CHST10: variants seen among roughly 807,000 people sequenced by gnomAD.
CHST10 encodes carbohydrate sulfotransferase 10, also known as HNK-1 sulfotransferase.
CHST10 carries 24 observed loss-of-function variants against 34.7 expected under a neutral mutation model. That is an observed-to-expected ratio of 0.69 (90% confidence interval 0.50 to 0.97). The LOEUF (loss-of-function observed/expected upper bound fraction) is 0.97, where lower values mean the gene tolerates loss of function less well. Among genes scored for constraint, CHST10 ranks in the 50% least tolerant of loss-of-function variants. CHST10 has a pLI of 0.00. For missense variants in CHST10, 402 were observed against 452.1 expected (o/e 0.89, Z 1.00); for synonymous variants, 161 against 169.3 (o/e 0.95, Z 0.38).
chr2:100,401,259 C>T (rs1438428789), intron 4 of CHST10, among the ~76,000 whole-genome samples: 3 of 152,174 alleles, frequency 2.0e-5, no homozygotes, highest in African/African-American at 7.2e-5. Context: ...TTCCTTGAGC[C>T]TCATGTTTCC....
chr2:100,406,003 G>A (rs779349037), intron 3 of CHST10, among the ~76,000 whole-genome samples: 3 of 152,216 alleles, frequency 2.0e-5, no homozygotes, highest in Middle Eastern at 6.3e-3. Flanking sequence ...ACAAGAGCAC[G>A]AAGTAGAATC....
chr2:100,399,612 C>A (rs1400550181), intron 4 of CHST10, among the ~76,000 whole-genome samples: 1 of 152,218 alleles, frequency 6.6e-6, no homozygotes, highest in Non-Finnish European at 1.5e-5. Flanking sequence ...CATAAGACTT[C>A]TAGAACACAC....
At chr2:100,394,138 T>A (rs535691440) in intron 6 of CHST10, among the ~76,000 whole-genome samples, 1 of 152,170 alleles carries the variant, frequency 6.6e-6, no homozygotes, top group Non-Finnish European at 1.5e-5. Context: ...GGGCAGAAAA[T>A]CATAAGGGCA....
chr2:100,415,569 T>C (rs1013182794), intron 1 of CHST10, among the ~76,000 whole-genome samples: 4 of 152,124 alleles, frequency 2.6e-5, no homozygotes, highest in African/African-American at 9.7e-5. Flanking sequence ...AATTAGATCA[T>C]GGATTTAGGA....
Position 100,398,110 on chromosome 2 carries a change from G to T in CHST10, c.225C>A (p.Leu75=). 1 of 1,613,470 alleles carries T rather than the reference G, an allele frequency of 6.2e-7. No homozygotes were observed. The highest frequency in any genetic ancestry group is 8.5e-7 in the Non-Finnish European group (1 of 1,179,750). ...GCTCCATGTAGACCAGGGGCTGAAC[G>T]AGCTGGCTGTCTGGAAGCTCCTTCC... ...PTGKELPDSQ[L]VQPLVYMERL... The change falls in exon 5 of 7, where the codon CTC becomes CTA. Residue 75 remains leucine, a synonymous_variant. Transcript: ENST00000264249.
In CHST10 at chr2:100,403,674, C is replaced by T. The variant is rs149597761; in HGVS notation, c.101-1019G>A. Among the ~76,000 whole-genome samples, 34 of 152,190 alleles carry T rather than the reference C, an allele frequency of 2.2e-4. No homozygotes were observed. The East Asian group carries it at 5.8e-3, about 26-fold the overall frequency. On this transcript the variant is annotated intron_variant, in intron 3 of 6. Transcript: ENST00000264249. ...GAGGACAGAGCTGAAAGGAGCAGCC[C>T]GGGAGCACTGAGGCCAAGGCTTCTC...
chr2:100,395,652 C>G, intron 5 of CHST10, 38 bp from the exon 6 acceptor site: 1 of 1,527,958 alleles, frequency 6.5e-7, no homozygotes, highest in Non-Finnish European at 9.1e-7. Context: ...GTTGGCTGCT[C>G]CAGTACGCCC....
chr2:100,396,499 A>C lies in CHST10; in HGVS notation c.428-885T>G, dbSNP rs1454720821. 2.0e-5 allele frequency among the ~76,000 whole-genome samples: 3 copies of C among 152,194 alleles called. No individual in the cohort carries two copies. In the East Asian group the frequency reaches 5.8e-4, roughly 29 times the overall value. On this transcript the variant is annotated intron_variant, in intron 5 of 6. Coordinates refer to ENST00000264249, the MANE Select transcript of CHST10 (RefSeq NM_004854.5). ...GGTTAAGATTGGAGTCCTGGCAGGG[A>C]AGAATCTCCCTGGGCCATCTGACCA...
At chr2:100,411,247 G>A (rs527728543) in intron 2 of CHST10, among the ~76,000 whole-genome samples, 1 of 151,874 alleles carries the variant, frequency 6.6e-6, no homozygotes, top group East Asian at 1.9e-4. Context: ...CTCCTGAGTG[G>A]CTGTGATTAC....
At chr2:100,401,138 G>C (rs1218127727) in intron 4 of CHST10, among the ~76,000 whole-genome samples, 2 of 152,154 alleles carry the variant, frequency 1.3e-5, no homozygotes, top group East Asian at 3.9e-4. Context: ...TCCCATCTGA[G>C]TCTCATGAGA....
At chr2:100,403,581 G>A (rs1308640508) in intron 3 of CHST10, among the ~76,000 whole-genome samples, 2 of 152,166 alleles carry the variant, frequency 1.3e-5, no homozygotes, top group African/African-American at 2.4e-5. Flanking sequence ...AGGAGAAACC[G>A]GGAAAGGCAG....
chr2:100,395,526 A>T lies in CHST10; in HGVS notation c.516T>A (p.Asp172Glu), dbSNP rs141419211. 480 of 1,613,546 alleles carry T rather than the reference A, an allele frequency of 3.0e-4. 2 individuals carry two copies. In the African/African-American group the frequency reaches 5.3e-3, roughly 18 times the overall value. Reference sequence around the variant, plus strand: ...GTTCTCACCGCTTCTGAATTTCTGCATCACTGAAGGAAGAGAGCCGAGGAA... The same window carrying T: ...GTTCTCACCGCTTCTGAATTTCTGCTTCACTGAAGGAAGAGAGCCGAGGAA... ...NGLPRLSSFS[D>E]AEIQKRLKTY... Residue 172 changes from aspartate (D) to glutamate (E), a missense_variant, in exon 6 of 7, where the codon GAT (aspartate) becomes GAA (glutamate). Coordinates refer to ENST00000264249, the MANE Select transcript of CHST10 (RefSeq NM_004854.5).
At chr2:100,417,054 T>C (rs1362299067) in intron 1 of CHST10, 1 of 1,304,206 alleles carries the variant, frequency 7.7e-7, no homozygotes, top group Non-Finnish European at 1.0e-6. Context: ...AGCTGAACCC[T>C]TTCTTCCTCT....
chr2:100,397,191 G>C (rs997618001), intron 5 of CHST10, among the ~76,000 whole-genome samples: 8 of 152,216 alleles, frequency 5.3e-5, no homozygotes, highest in African/African-American at 1.7e-4. Context: ...AATTTCATAA[G>C]CAGAGCCCAT....
intron 2 of CHST10, chr2:100,407,991 G>A (rs1246836678): frequency 6.6e-6 from 1 of 151,988 alleles, no homozygotes; most frequent in Non-Finnish European, 1.5e-5. Flanking sequence ...TATTGCATAA[G>A]ACATACTTAT....
chr2:100,396,305 G>A (rs1336757803), intron 5 of CHST10, among the ~76,000 whole-genome samples: 4 of 152,256 alleles, frequency 2.6e-5, no homozygotes, highest in African/African-American at 9.6e-5. Flanking sequence ...GACCAGTGCA[G>A]GTCCAGGCTG....
chr2:100,404,501 C>T (rs1468734144), intron 3 of CHST10, among the ~76,000 whole-genome samples: 5 of 152,214 alleles, frequency 3.3e-5, no homozygotes, highest in African/African-American at 1.2e-4. Context: ...TATCTCCTAA[C>T]ACTCCTTACC....
At chr2:100,412,799 G>C (rs1675901365) in intron 2 of CHST10, among the ~76,000 whole-genome samples, 1 of 152,182 alleles carries the variant, frequency 6.6e-6, no homozygotes, top group African/African-American at 2.4e-5. Flanking sequence ...ACAGCTAAAA[G>C]AGGTTTAATT....
At chr2:100,414,391 G>T (rs1156482823) in intron 2 of CHST10, among the ~76,000 whole-genome samples, 1 of 151,782 alleles carries the variant, frequency 6.6e-6, no homozygotes, top group Admixed American at 6.6e-5. Context: ...CAAAAACCTG[G>T]TAATGTACAA....
Sources: allele counts gnomAD v4.1 joint callset (sites outside exome capture counted in the v4.1 genomes callset), GRCh38; gene constraint gnomAD v4.1.1; transcripts MANE v1.5; gene names NCBI Gene and HGNC (gene_info 2026-07-23, HGNC 2026-07-21).